Variants in P4HA2 observed in about 807,000 individuals in gnomAD.
P4HA2 encodes the protein prolyl 4-hydroxylase subunit alpha 2, also known as prolyl 4-hydroxylase subunit alpha-2.
In P4HA2, 46 loss-of-function variants were observed where a neutral mutation model predicts 76.9. The observed-to-expected ratio is 0.60, with a 90% CI of 0.47 to 0.76. The LOEUF (loss-of-function observed/expected upper bound fraction) is 0.76. P4HA2 is among the 30% of genes least tolerant of loss of function. The pLI, the probability that P4HA2 is intolerant of heterozygous loss-of-function variation, is 0.00. For missense variants in P4HA2, 583 were observed against 669.4 expected (o/e 0.87, Z 1.42); for synonymous variants, 243 against 254.0 (o/e 0.96, Z 0.41).
At chr5:132,215,249 C>T (rs987234228) in intron 4 of P4HA2, among the ~76,000 whole-genome samples, 4 of 152,194 alleles carry the variant, frequency 2.6e-5, no homozygotes, top group Non-Finnish European at 4.4e-5. Flanking sequence ...ATGCCCTGCT[C>T]GTTTCAGGGG....
intron 1 of P4HA2, chr5:132,227,007 C>G (rs915381660): frequency 6.5e-6 from 1 of 152,728 alleles, no homozygotes; most frequent in African/African-American, 2.4e-5. Context: ...TCACCTCCTC[C>G]GGGAAGTCCT....
intron 5 of P4HA2, 137 bp from the exon 6 acceptor site, chr5:132,210,660 A>G (rs1337673221): frequency 6.0e-6 from 5 of 839,268 alleles, no homozygotes; most frequent in Non-Finnish European, 9.9e-6. Flanking sequence ...TAGACTGCAT[A>G]TCCTAAAGGG....
At chr5:132,207,575 T>G in intron 8 of P4HA2, 133 bp downstream of exon 8, 2 of 678,230 alleles carry the variant, frequency 2.9e-6, no homozygotes, top group Non-Finnish European at 5.1e-6. Flanking sequence ...CATCTCTGTA[T>G]CCCCACGGTA....
chr5:132,213,164 A>C (rs1189516575), intron 5 of P4HA2, among the ~76,000 whole-genome samples: 2 of 152,234 alleles, frequency 1.3e-5, no homozygotes, highest in Non-Finnish European at 2.9e-5. Context: ...ACAAAGAATG[A>C]GGCAATCTAT....
chr5:132,208,378 GA>G (rs1752506959), intron 7 of P4HA2, among the ~76,000 whole-genome samples: 1 of 61,278 alleles, frequency 1.6e-5, no homozygotes, highest in Non-Finnish European at 3.4e-5. Flanking sequence ...GAGGAGAGAG[GA>G]GGAGAAGGGG....
rs551779240 is a variant in P4HA2 at position 132,213,857 on chromosome 5, C to A, written c.469+59G>T. 1.0e-5 allele frequency: 16 copies of A among 1,573,636 alleles called. No homozygotes were observed. The East Asian group carries it at 2.7e-4, about 26-fold the overall frequency. ...GGCCACAAGTTGGTGGTGGCTCCAACCTGTCCCGCCACTAAAGAGACACAT... is the reference window on the plus strand; with the variant it reads ...GGCCACAAGTTGGTGGTGGCTCCAAACTGTCCCGCCACTAAAGAGACACAT... On this transcript the variant is annotated intron_variant, in intron 5 of 14. Coordinates refer to ENST00000360568, the MANE Select transcript of P4HA2 (RefSeq NM_001017974.2).
chr5:132,204,252 T>A, intron 8 of P4HA2, 100 bp from the exon 9 acceptor site: 1 of 940,896 alleles, frequency 1.1e-6, no homozygotes, highest in Non-Finnish European at 1.7e-6. Flanking sequence ...ACTGCCATGC[T>A]AGTGGAGGAA....
At chr5:132,209,093 T>A in intron 7 of P4HA2, 45 bp downstream of exon 7, 4 of 1,452,032 alleles carry the variant, frequency 2.8e-6, no homozygotes, top group Non-Finnish European at 3.8e-6. Context: ...AGAGCCAGAG[T>A]CCAGGTCCAC....
intron 4 of P4HA2, among the ~76,000 whole-genome samples, chr5:132,216,135 G>T (rs1193487933): frequency 7.9e-6 from 1 of 126,328 alleles, no homozygotes; most frequent in Non-Finnish European, 1.6e-5. Flanking sequence ...CTACACTCCA[G>T]CCTGGTGACA....
chr5:132,213,937 T>C lies in P4HA2; in HGVS notation c.448A>G (p.Ile150Val), dbSNP rs771208496. ...TTACCTGGAAGTTCCCCTCTGGAAA[T>C]TGTGCCTGGGTCCAGCCTGTATGTG... ...QDTYRLDPGT[I>V]SRGELPGTKY... Residue 150 changes from isoleucine (I) to valine (V), a missense_variant, in exon 5 of 15, where the codon ATT (isoleucine) becomes GTT (valine). Coordinates refer to ENST00000360568, the MANE Select transcript of P4HA2 (RefSeq NM_001017974.2). 1.2e-5 allele frequency: 20 copies of C among 1,614,144 alleles called. No individual in the cohort carries two copies. The highest frequency in any genetic ancestry group is 5.0e-5 in the Admixed American group (3 of 60,012).
chr5:132,196,513 T>C (rs1750664873), intron 12 of P4HA2, among the ~76,000 whole-genome samples: 1 of 152,194 alleles, frequency 6.6e-6, no homozygotes, highest in Non-Finnish European at 1.5e-5. Flanking sequence ...AGGCCTCCAC[T>C]GAACCCCAAG....
chr5:132,201,377 T>G (rs1230335527), intron 10 of P4HA2: 1 of 152,160 alleles, frequency 6.6e-6, no homozygotes, highest in African/African-American at 2.4e-5. Context: ...TGTCAACAGA[T>G]AGAAGAACCA....
At chr5:132,205,023 C>G (rs1198796521) in intron 8 of P4HA2, among the ~76,000 whole-genome samples, 1 of 152,252 alleles carries the variant, frequency 6.6e-6, no homozygotes, top group Non-Finnish European at 1.5e-5. Context: ...CAACACACTT[C>G]CCCTTGATTT....
intron 7 of P4HA2, among the ~76,000 whole-genome samples, chr5:132,208,360 A>T (rs1458969718): frequency 1.4e-5 from 1 of 73,652 alleles, no homozygotes; most frequent in African/African-American, 5.4e-5. Context: ...GAAGGGAGGG[A>T]GGGAGGGGAG....
At chr5:132,199,218 T>A (rs1464900890) in intron 10 of P4HA2, among the ~76,000 whole-genome samples, 1 of 152,230 alleles carries the variant, frequency 6.6e-6, no homozygotes, top group Non-Finnish European at 1.5e-5. Flanking sequence ...CAGCCCTTCA[T>A]GGACACTCAG....
At position 132,198,907 on chromosome 5, in the gene P4HA2, T is replaced by A; in HGVS notation, c.1277A>T (p.Gln426Leu). The stretch of plus-strand genomic sequence containing the variant: ...AGAGAAGTCGAAGTGCGGTTCATAC[T>A]GTCCTCCCACTCCATAATTTGCAAC... ...LQVANYGVGG[Q>L]YEPHFDFSRR... The change falls in exon 11 of 15, where the codon CAG becomes CTG. Residue 426 changes from glutamine to leucine, a missense_variant. Physicochemically the swap from Gln to Leu is moderately radical, Grantham distance 113. Coordinates refer to ENST00000360568, the MANE Select transcript of P4HA2 (RefSeq NM_001017974.2). 1 of 1,612,934 alleles carries A rather than the reference T, an allele frequency of 6.2e-7. No individual in the cohort carries two copies. The highest frequency in any genetic ancestry group is 1.1e-5 in the South Asian group (1 of 91,054).
chr5:132,210,337 T>A lies in P4HA2; in HGVS notation c.656A>T (p.Gln219Leu), dbSNP rs770629032. ...CAGGGCACGGTGCAGATCACCCAAC[T>A]GGAAGACAGCATAGCTGAGGTAGTC... ...VLDYLSYAVF[Q>L]LGDLHRALEL... The change falls in exon 6 of 15, where the codon CAG becomes CTG. Residue 219 changes from glutamine to leucine, a missense_variant. Gln to Leu is a moderately radical substitution (Grantham distance 113). Transcript: ENST00000360568. 1.9e-6 allele frequency: 3 copies of A among 1,614,102 alleles called. No homozygotes were observed. The highest frequency in any genetic ancestry group is 1.7e-6 in the Non-Finnish European group (2 of 1,180,008).
At chr5:132,218,813 G>A (rs1754267116) in intron 1 of P4HA2, 169 bp from the exon 2 acceptor site, 1 of 551,526 alleles carries the variant, frequency 1.8e-6, no homozygotes, top group Non-Finnish European at 3.3e-6. Context: ...CAAAGAGCGT[G>A]CAGCCAGTGA....
intron 12 of P4HA2, among the ~76,000 whole-genome samples, chr5:132,196,051 A>G (rs2126531810): frequency 6.6e-6 from 1 of 152,280 alleles, no homozygotes; most frequent in East Asian, 1.9e-4. Flanking sequence ...CTTAAACTAC[A>G]TTGAACACAA....
Sources: gnomAD v4.1 joint callset for allele counts (sites outside exome capture counted in the v4.1 genomes callset) on GRCh38, gnomAD v4.1.1 for gene constraint, MANE v1.5 for transcripts, NCBI Gene and HGNC (gene_info 2026-07-23, HGNC 2026-07-21) for gene names.